The following CORO7 variants were observed in gnomAD, a reference collection of about 807,000 sequenced individuals.
CORO7 encodes the protein coronin 7, also known as coronin-7.
A neutral mutation model predicts 126.6 loss-of-function variants in CORO7; 107 were observed. The ratio of observed to expected loss-of-function variants is 0.85; its 90% CI spans 0.72 to 0.99. CORO7 has a LOEUF of 0.99. Ranked by LOEUF, CORO7 falls within the 50% of genes least tolerant of loss-of-function variation. The pLI is 0.00. For missense variants in CORO7, 1,314 were observed against 1,255.8 expected (o/e 1.05, Z -0.70); for synonymous variants, 603 against 536.8 (o/e 1.12, Z -1.70).
intron 23 of CORO7, 160 bp downstream of exon 23, chr16:4,359,136 C>T (rs2054075349): frequency 1.3e-6 from 1 of 749,296 alleles, no homozygotes; most frequent in Non-Finnish European, 2.1e-6. Context: ...ATAATTCCAG[C>T]AGCAACTCTT....
At chr16:4,395,391 T>C (rs770415995) in intron 6 of CORO7, 52 bp from the exon 7 acceptor site, 8 of 1,611,442 alleles carry the variant, frequency 5.0e-6, no homozygotes, top group Non-Finnish European at 6.8e-6. Flanking sequence ...GGAGGGTCCC[T>C]GGAAGCCAGC....
At chr16:4,411,306 T>C (rs906577812) in intron 3 of CORO7, among the ~76,000 whole-genome samples, 3 of 152,118 alleles carry the variant, frequency 2.0e-5, no homozygotes, top group African/African-American at 4.8e-5. Flanking sequence ...GGTGGAAGAA[T>C]TGCTTGAGCC....
intron 9 of CORO7, among the ~76,000 whole-genome samples, chr16:4,376,534 C>A (rs1227891106): frequency 6.6e-6 from 1 of 152,166 alleles, no homozygotes; most frequent in African/African-American, 2.4e-5. Flanking sequence ...TCAGCAGGCA[C>A]ACCGCCTGCC....
chr16:4,370,361 A>T (rs1294799888), intron 9 of CORO7, among the ~76,000 whole-genome samples: 1 of 152,210 alleles, frequency 6.6e-6, no homozygotes, highest in Non-Finnish European at 1.5e-5. Flanking sequence ...GGGGTGACCC[A>T]TGAGCCCACA....
rs369515810 is a variant in CORO7 at position 4,358,361 on chromosome 16, C to T, written c.2457+6G>A. 6 of 1,611,954 alleles carry T rather than the reference C, an allele frequency of 3.7e-6. No individual in the cohort carries two copies. The African/African-American group carries it at 8.0e-5, about 22-fold the overall frequency. ...GGGCATGGGAGTCCCAGGTCCCCACCCTCACCCGGACTCGGGGCAGCCGGA... is the reference window on the plus strand; with the variant it reads ...GGGCATGGGAGTCCCAGGTCCCCACTCTCACCCGGACTCGGGGCAGCCGGA... On this transcript the variant is annotated splice_donor_region_variant and intron_variant, in intron 24 of 27. Coordinates refer to ENST00000251166, the MANE Select transcript of CORO7 (RefSeq NM_024535.5).
rs562172108 is a variant in CORO7 at position 4,399,843 on chromosome 16, A to G, written c.565-4504T>C. Among the ~76,000 whole-genome samples, 4 of 152,308 alleles carry G rather than the reference A, an allele frequency of 2.6e-5. No homozygotes were observed. In the South Asian group the frequency reaches 8.3e-4, roughly 32 times the overall value. Reference sequence around the variant, plus strand: ...GAGTTTGAGGCTGCAGCAAGCTAAAAAAAAAAGAAGAAGGTAAATTTTATG... The same window carrying G: ...GAGTTTGAGGCTGCAGCAAGCTAAAGAAAAAAGAAGAAGGTAAATTTTATG... On this transcript the variant is annotated intron_variant, in intron 6 of 27. Transcript: ENST00000251166.
chr16:4,386,015 G>T (rs1234626385), intron 9 of CORO7, among the ~76,000 whole-genome samples: 3 of 152,222 alleles, frequency 2.0e-5, no homozygotes, highest in African/African-American at 4.8e-5. Context: ...GGCACCCCAG[G>T]GAGTTAGTGG....
intron 9 of CORO7, among the ~76,000 whole-genome samples, chr16:4,372,594 T>C (rs969617897): frequency 6.6e-6 from 1 of 152,204 alleles, no homozygotes; most frequent in Non-Finnish European, 1.5e-5. Context: ...GCCGGGTCTC[T>C]GCCTCTGCCA....
At chr16:4,389,751 C>T (rs954219117) in intron 7 of CORO7, among the ~76,000 whole-genome samples, 1 of 152,226 alleles carries the variant, frequency 6.6e-6, no homozygotes, top group African/African-American at 2.4e-5. Context: ...CAGCCCTGCC[C>T]TCAACACCCG....
intron 9 of CORO7, chr16:4,383,026 C>G (rs1256670293): frequency 9.4e-7 from 1 of 1,061,842 alleles, no homozygotes; most frequent in Non-Finnish European, 1.3e-6. Context: ...GGCTGTGTGA[C>G]CACAGCTGGG....
intron 9 of CORO7, among the ~76,000 whole-genome samples, chr16:4,378,364 C>G (rs927329815): frequency 4.6e-5 from 7 of 152,134 alleles, no homozygotes; most frequent in African/African-American, 7.2e-5. Flanking sequence ...AGGCTGGCCA[C>G]GTGGAGGATC....
chr16:4,382,587 C>T (rs747375274), intron 9 of CORO7: 31 of 1,583,560 alleles, frequency 2.0e-5, no homozygotes, highest in South Asian at 6.9e-5. Flanking sequence ...CCCAGGCCCG[C>T]GAGGGCAACC....
chr16:4,413,052 C>G (rs2056271862), intron 2 of CORO7: 1 of 414,412 alleles, frequency 2.4e-6, no homozygotes, highest in African/African-American at 2.1e-5. Flanking sequence ...AAGCGTCAGT[C>G]CCCTCCCAGC....
intron 6 of CORO7, among the ~76,000 whole-genome samples, chr16:4,402,392 G>A (rs1308202992): frequency 6.6e-6 from 1 of 152,116 alleles, no homozygotes; most frequent in African/African-American, 2.4e-5. Flanking sequence ...CCACAGGCGC[G>A]TGCCACCATG....
intron 14 of CORO7, among the ~76,000 whole-genome samples, chr16:4,363,812 A>T (rs1457014817): frequency 6.6e-6 from 1 of 151,920 alleles, no homozygotes; most frequent in Non-Finnish European, 1.5e-5. Context: ...TGAGGTCAGG[A>T]GTTCGAGACC....
chr16:4,399,285 T>A (rs918184299), intron 6 of CORO7, among the ~76,000 whole-genome samples: 4 of 152,204 alleles, frequency 2.6e-5, no homozygotes, highest in African/African-American at 9.6e-5. Flanking sequence ...CTGCGCATAC[T>A]ATGCAGTCTT....
In CORO7 at chr16:4,357,262, G is replaced by A. The variant is rs776450546; in HGVS notation, c.2594-3C>T. 1 of 1,612,226 alleles carries A rather than the reference G, an allele frequency of 6.2e-7. No individual in the cohort carries two copies. Among genetic ancestry groups the A allele is most frequent in the East Asian group, 2.2e-5 (1 of 44,880 alleles). On this transcript the variant is annotated splice_region_variant and splice_polypyrimidine_tract_variant and intron_variant, in intron 25 of 27. Transcript: ENST00000251166. The stretch of plus-strand genomic sequence containing the variant: ...GGCCTCTCGGGGGGCTTGGCTCACT[G>A]GGACAGAGCAAGGACACGTGTCAGA...
chr16:4,355,152 C>G lies in CORO7; in HGVS notation c.*6G>C, dbSNP rs565553386. The G allele has an allele frequency of 6.6e-7, 1 of 1,511,356 alleles. No homozygotes were observed. The highest frequency in any genetic ancestry group is 8.9e-7 in the Non-Finnish European group (1 of 1,125,154). The allele number at this position is 1,511,356 out of a possible 1,614,324, so 93.6% of individuals were successfully genotyped here. On this transcript the variant is annotated 3_prime_UTR_variant, in exon 28 of 28. Transcript: ENST00000251166. ...ACAGGTGAGGTGGAGGTGACGGGGG[C>G]GCAGGCTAGTCCTGGGGCGAAACAC...
chr16:4,367,387 G>A (rs550434178), intron 9 of CORO7, among the ~76,000 whole-genome samples: 9 of 152,312 alleles, frequency 5.9e-5, no homozygotes, highest in East Asian at 3.9e-4. Context: ...TCATTCATTC[G>A]TTCACAATCA....
Sources: gnomAD v4.1 joint callset for allele counts (sites outside exome capture counted in the v4.1 genomes callset) on GRCh38, gnomAD v4.1.1 for gene constraint, MANE v1.5 for transcripts, NCBI Gene and HGNC (gene_info 2026-07-23, HGNC 2026-07-21) for gene names.